The following SCMH1 variants were observed in gnomAD, a reference collection of about 807,000 sequenced individuals.
SCMH1 encodes polycomb protein SCMH1.
In SCMH1, 37 loss-of-function variants were observed where a neutral mutation model predicts 70.8. That is an observed-to-expected ratio of 0.52 (90% CI 0.40 to 0.69). The LOEUF (loss-of-function observed/expected upper bound fraction) is 0.69. Among genes scored for constraint, SCMH1 ranks in the 30% least tolerant of loss-of-function variants. SCMH1 has a pLI of 0.00. For synonymous variants in SCMH1, 292 were observed against 307.4 expected (o/e 0.95, Z 0.52); for missense variants, 607 against 827.3 (o/e 0.73, Z 3.27).
chr1:41,176,435 G>C (rs930268600), intron 2 of SCMH1, among the ~76,000 whole-genome samples: 1 of 152,208 alleles, frequency 6.6e-6, no homozygotes, highest in African/African-American at 2.4e-5. Flanking sequence ...CTGAGCATGA[G>C]CCGAAGCAGG....
chr1:41,051,673 TAAA>T (rs1043821692), intron 10 of SCMH1, among the ~76,000 whole-genome samples: 3 of 152,010 alleles, frequency 2.0e-5, no homozygotes, highest in Non-Finnish European at 2.9e-5. Flanking sequence ...GTTTTTTAAA[TAAA>T]AAAAGCTTAC....
At chr1:41,120,978 A>G (rs1671790349) in intron 6 of SCMH1, among the ~76,000 whole-genome samples, 1 of 152,202 alleles carries the variant, frequency 6.6e-6, no homozygotes, top group Non-Finnish European at 1.5e-5. Context: ...GTGGATCACT[A>G]CTACTATTCT....
intron 8 of SCMH1, among the ~76,000 whole-genome samples, chr1:41,109,216 C>T (rs2147810182): frequency 6.6e-6 from 1 of 152,222 alleles, no homozygotes; most frequent in Non-Finnish European, 1.5e-5. Flanking sequence ...TAAAATGTAT[C>T]TGAAAATAAT....
At chr1:41,068,699 C>A (rs1377228100) in intron 10 of SCMH1, among the ~76,000 whole-genome samples, 2 of 152,146 alleles carry the variant, frequency 1.3e-5, no homozygotes, top group East Asian at 3.9e-4. Context: ...AGCCACCATG[C>A]TCAGCTCATT....
At chr1:41,234,623 C>T (rs1440962917) in intron 1 of SCMH1, among the ~76,000 whole-genome samples, 1 of 151,566 alleles carries the variant, frequency 6.6e-6, no homozygotes, top group South Asian at 2.1e-4. Flanking sequence ...TACAGGCACC[C>T]GCCACCACAC....
chr1:41,127,031 TCTC>T (rs1402887769), intron 6 of SCMH1, among the ~76,000 whole-genome samples: 2 of 152,132 alleles, frequency 1.3e-5, no homozygotes, highest in African/African-American at 2.4e-5. Context: ...AGCCTTGCTG[TCTC>T]CTCAAGCTTT....
chr1:41,186,811 T>A (rs1036497312), intron 1 of SCMH1, among the ~76,000 whole-genome samples: 1 of 152,198 alleles, frequency 6.6e-6, no homozygotes, highest in Non-Finnish European at 1.5e-5. Context: ...GTGTCATCTA[T>A]AAGCTAAGGA....
intron 8 of SCMH1, among the ~76,000 whole-genome samples, chr1:41,107,163 C>T (rs1293935474): frequency 2.0e-5 from 3 of 151,854 alleles, no homozygotes; most frequent in African/African-American, 7.3e-5. Flanking sequence ...CTTTATTCAT[C>T]CATTTACCCA....
intron 10 of SCMH1, among the ~76,000 whole-genome samples, chr1:41,056,658 GAGAC>G (rs1368656979): frequency 1.3e-5 from 2 of 152,212 alleles, no homozygotes; most frequent in African/African-American, 4.8e-5. Context: ...CAAATTTGAA[GAGAC>G]AGACAGGTGA....
intron 1 of SCMH1, among the ~76,000 whole-genome samples, chr1:41,221,733 CA>C (rs1320882794): frequency 2.0e-5 from 3 of 148,990 alleles, no homozygotes; most frequent in Non-Finnish European, 1.5e-5. Context: ...ACTAAAAATA[CA>C]AAAAAAAATT....
Position 41,114,661 on chromosome 1 carries a change from T to TTCTCTCTCTCTC in SCMH1, c.502-1147_502-1136dup, listed in dbSNP as rs61013208. ...TCTTTTCCACTTGTTAAGATTTCCT[T>TTCTCTCTCTCTC]TCTCTCTCTCTCTCTCTCTCTCTTT... is the stretch of plus-strand genomic sequence containing the variant. On this transcript the variant is annotated intron_variant, in intron 7 of 14. Transcript: ENST00000337495. 4.7e-3 allele frequency among the ~76,000 whole-genome samples: 694 copies of TTCTCTCTCTCTC among 148,262 alleles called. 6 individuals carry two copies. Among genetic ancestry groups the TTCTCTCTCTCTC allele is most frequent in the Middle Eastern group, 0.044 (13 of 294 alleles).
chr1:41,187,074 A>G (rs1650420301), intron 1 of SCMH1, among the ~76,000 whole-genome samples: 1 of 152,128 alleles, frequency 6.6e-6, no homozygotes, highest in Non-Finnish European at 1.5e-5. Flanking sequence ...CAAAGTAAAA[A>G]CAAAACAAAA....
At chr1:41,215,454 T>C (rs1000129624) in intron 1 of SCMH1, among the ~76,000 whole-genome samples, 1 of 152,130 alleles carries the variant, frequency 6.6e-6, no homozygotes, top group Non-Finnish European at 1.5e-5. Context: ...CTCATCTACT[T>C]CTTCTCTTTA....
intron 4 of SCMH1, among the ~76,000 whole-genome samples, chr1:41,160,093 C>T (rs553269141): frequency 2.0e-5 from 3 of 152,206 alleles, no homozygotes; most frequent in Non-Finnish European, 4.4e-5. Context: ...TCTTCTGTGT[C>T]ACTGGGCAAT....
chr1:41,223,437 A>G (rs1165031353), intron 1 of SCMH1, among the ~76,000 whole-genome samples: 1 of 152,144 alleles, frequency 6.6e-6, no homozygotes, highest in East Asian at 1.9e-4. Flanking sequence ...TCTTTGTACT[A>G]TCTTTCTGTT....
intron 10 of SCMH1, among the ~76,000 whole-genome samples, chr1:41,062,293 C>A (rs534862619): frequency 2.0e-5 from 3 of 152,106 alleles, no homozygotes; most frequent in African/African-American, 7.2e-5. Flanking sequence ...GAAGAAATAA[C>A]AAGAGAAATT....
Position 41,113,532 on chromosome 1 carries a change from T to C in SCMH1, c.502-6A>G. 1 of 1,610,918 alleles carries C rather than the reference T, an allele frequency of 6.2e-7. No individual in the cohort carries two copies. On this transcript the variant is annotated splice_region_variant and splice_polypyrimidine_tract_variant and intron_variant, in intron 7 of 14. Coordinates refer to ENST00000337495, the Ensembl canonical transcript of SCMH1. The surrounding 1 kb of genome is among the most constrained non-coding windows in gnomAD (Gnocchi z 4.3). ...TGGGAAGGCGATGGTGGCTCCTAGA[T>C]GAGAAACAGAAACATACACACCTAG...
intron 5 of SCMH1, among the ~76,000 whole-genome samples, chr1:41,148,548 T>C (rs559077383): frequency 1.0e-3 from 154 of 152,316 alleles, no homozygotes; most frequent in Non-Finnish European, 2.0e-3. Flanking sequence ...TTTTTTATTT[T>C]TCTTTTAGTA....
chr1:41,171,352 A>G (rs1026668054), intron 2 of SCMH1, among the ~76,000 whole-genome samples: 1 of 152,092 alleles, frequency 6.6e-6, no homozygotes, highest in Non-Finnish European at 1.5e-5. Flanking sequence ...GACTCACAAA[A>G]TCCCTTATCC....
Sources: gnomAD v4.1 joint callset for allele counts (sites outside exome capture counted in the v4.1 genomes callset) on GRCh38, gnomAD v4.1.1 for gene constraint, Gnocchi (gnomAD v3.1) non-coding constraint, MANE v1.5 for transcripts, NCBI Gene and HGNC (gene_info 2026-07-23, HGNC 2026-07-21) for gene names.